EPB41L4B: variants seen among roughly 807,000 people sequenced by gnomAD.
EPB41L4B encodes the protein band 4.1-like protein 4B.
Under a neutral mutation model 112.5 loss-of-function variants are expected in EPB41L4B, and 30 were observed. That is an observed-to-expected ratio of 0.27 (90% confidence interval 0.20 to 0.36). The LOEUF (loss-of-function observed/expected upper bound fraction) is 0.36, where lower values mean the gene tolerates loss of function less well. Among genes scored for constraint, EPB41L4B ranks in the 10% least tolerant of loss-of-function variants. The pLI is 1.00. For missense variants in EPB41L4B, 1,024 were observed against 1,133.3 expected (o/e 0.90, Z 1.38); for synonymous variants, 408 against 439.7 (o/e 0.93, Z 0.90).
chr9:109,175,036 C>A (rs1485716734), intron 25 of EPB41L4B, among the ~76,000 whole-genome samples: 1 of 151,806 alleles, frequency 6.6e-6, no homozygotes, highest in Non-Finnish European at 1.5e-5. Flanking sequence ...TCTGTCTCAG[C>A]CTCCAGCATA....
At chr9:109,278,389 T>G (rs569274287) in intron 2 of EPB41L4B, among the ~76,000 whole-genome samples, 1 of 152,288 alleles carries the variant, frequency 6.6e-6, no homozygotes, top group African/African-American at 2.4e-5. Flanking sequence ...AGAGGCACTG[T>G]AGCCAGGATG....
chr9:109,293,831 G>C (rs1836630974), intron 1 of EPB41L4B, among the ~76,000 whole-genome samples: 1 of 151,738 alleles, frequency 6.6e-6, no homozygotes, highest in Non-Finnish European at 1.5e-5. Context: ...CTCCATATTA[G>C]AACTCAATAA....
In EPB41L4B at chr9:109,194,205, T is replaced by G; in HGVS notation, c.2223+15A>C. 1 of 1,607,724 alleles carries G rather than the reference T, an allele frequency of 6.2e-7. No homozygotes were observed. Among genetic ancestry groups the G allele is most frequent in the Non-Finnish European group, 8.5e-7 (1 of 1,175,200 alleles). Reference sequence around the variant, plus strand: ...CAAGTGTGGCTGCTCGCCAGGGCTTTCCACCCCCCAATACCTTGGCCCCAG... The same window carrying G: ...CAAGTGTGGCTGCTCGCCAGGGCTTGCCACCCCCCAATACCTTGGCCCCAG... On this transcript the variant is annotated intron_variant, in intron 21 of 25. Coordinates refer to ENST00000374566, the MANE Select transcript of EPB41L4B (RefSeq NM_019114.5).
chr9:109,288,852 TC>T (rs2119172065), intron 1 of EPB41L4B, among the ~76,000 whole-genome samples: 1 of 150,334 alleles, frequency 6.7e-6, no homozygotes, highest in East Asian at 2.0e-4. Context: ...AGTCAGCTGT[TC>T]ATGCCACTGC....
intron 2 of EPB41L4B, among the ~76,000 whole-genome samples, chr9:109,270,001 A>C (rs571082999): frequency 1.1e-3 from 165 of 152,330 alleles, no homozygotes; most frequent in Non-Finnish European, 2.0e-3. Flanking sequence ...GGCTTTTGTC[A>C]TCTCCACTCC....
chr9:109,297,414 G>A (rs867493359), intron 1 of EPB41L4B, among the ~76,000 whole-genome samples: 2 of 152,118 alleles, frequency 1.3e-5, no homozygotes, highest in Non-Finnish European at 2.9e-5. Context: ...TTTGAAGCTG[G>A]GCTCCACTAC....
intron 17 of EPB41L4B, among the ~76,000 whole-genome samples, chr9:109,211,864 C>G (rs192567351): frequency 2.0e-5 from 3 of 149,534 alleles, no homozygotes; most frequent in African/African-American, 7.4e-5. Context: ...TACAGGTGCC[C>G]GCCACCACAA....
At chr9:109,237,880 CAGATGGACAGGGGTTACT>C (rs1405077331) in intron 15 of EPB41L4B, among the ~76,000 whole-genome samples, 4 of 151,860 alleles carry the variant, frequency 2.6e-5, no homozygotes, top group African/African-American at 9.7e-5. Context: ...GGTGGTAATG[CAGATGGACAGGGGTTACT>C]AGATGGCTGG....
intron 1 of EPB41L4B, among the ~76,000 whole-genome samples, chr9:109,301,869 C>T (rs1836981882): frequency 6.6e-6 from 1 of 152,212 alleles, no homozygotes; most frequent in African/African-American, 2.4e-5. Context: ...CACCATTGTA[C>T]CCCAGCGTGG....
At chr9:109,277,592 C>T (rs1386810297) in intron 2 of EPB41L4B, among the ~76,000 whole-genome samples, 2 of 152,096 alleles carry the variant, frequency 1.3e-5, no homozygotes, top group African/African-American at 2.4e-5. Flanking sequence ...AGGCACAGAC[C>T]GTGGCTCTCT....
intron 22 of EPB41L4B, 107 bp from the exon 23 acceptor site, chr9:109,185,712 CAGAT>C: frequency 3.8e-6 from 3 of 794,870 alleles, no homozygotes; most frequent in South Asian, 3.8e-5. Context: ...CAGTGCAAGA[CAGAT>C]CTGGCAACTC....
chr9:109,234,392 A>G (rs770044743), intron 15 of EPB41L4B, among the ~76,000 whole-genome samples: 2 of 152,246 alleles, frequency 1.3e-5, no homozygotes, highest in Non-Finnish European at 2.9e-5. Flanking sequence ...TTAAATGTCC[A>G]TCAATATTGA....
chr9:109,187,012 G>C (rs1277030952), intron 22 of EPB41L4B, among the ~76,000 whole-genome samples: 1 of 152,206 alleles, frequency 6.6e-6, no homozygotes, highest in East Asian at 1.9e-4. Flanking sequence ...CATGCGCCCA[G>C]CAGAGGTCCA....
intron 15 of EPB41L4B, chr9:109,240,633 G>A (rs1834320647): frequency 1.0e-6 from 1 of 985,280 alleles, no homozygotes; most frequent in Non-Finnish European, 1.2e-6. Flanking sequence ...ACAACATATT[G>A]ATTTCTGGTT....
chr9:109,271,535 C>T (rs552538069), intron 2 of EPB41L4B, among the ~76,000 whole-genome samples: 8 of 152,280 alleles, frequency 5.3e-5, no homozygotes, highest in Admixed American at 3.9e-4. Context: ...TCTGATCACT[C>T]GTGTTTTATC....
At chr9:109,205,383 T>G (rs894926774) in intron 18 of EPB41L4B, among the ~76,000 whole-genome samples, 1 of 152,218 alleles carries the variant, frequency 6.6e-6, no homozygotes, top group Non-Finnish European at 1.5e-5. Flanking sequence ...ACTTCTCCAA[T>G]GGAGCAGAAA....
intron 15 of EPB41L4B, chr9:109,241,841 G>C (rs771952624): frequency 6.2e-7 from 1 of 1,609,978 alleles, no homozygotes; most frequent in Non-Finnish European, 8.5e-7. Flanking sequence ...TGGTTAGTGG[G>C]AGAATGGAAG....
At chr9:109,249,410 C>A (rs1834695191) in intron 13 of EPB41L4B, among the ~76,000 whole-genome samples, 1 of 149,522 alleles carries the variant, frequency 6.7e-6, no homozygotes, top group Non-Finnish European at 1.5e-5. Flanking sequence ...TGGGATCCCA[C>A]AGGCTGTGAA....
At chr9:109,276,314 G>GT (rs1835824002) in intron 2 of EPB41L4B, among the ~76,000 whole-genome samples, 1 of 151,702 alleles carries the variant, frequency 6.6e-6, no homozygotes, top group African/African-American at 2.4e-5. Flanking sequence ...AGGGTGAGGG[G>GT]GGGGTCATCT....
Sources: gnomAD v4.1 joint callset for allele counts (sites outside exome capture counted in the v4.1 genomes callset) on GRCh38, gnomAD v4.1.1 for gene constraint, MANE v1.5 for transcripts, NCBI Gene and HGNC (gene_info 2026-07-23, HGNC 2026-07-21) for gene names.